The following IFT88 variants were observed in gnomAD, a reference collection of about 807,000 sequenced individuals.
IFT88 encodes the protein intraflagellar transport 88.
IFT88 carries 74 observed loss-of-function variants against 119.5 expected under a neutral mutation model. The observed-to-expected ratio is 0.62, with a 90% CI of 0.51 to 0.75. The LOEUF is 0.75. Among genes scored for constraint, IFT88 ranks in the 30% least tolerant of loss-of-function variants. The pLI is 0.00. For missense variants in IFT88, 961 were observed against 977.7 expected, an observed-to-expected ratio of 0.98 and a Z score of 0.23; for synonymous variants, 279 against 316.7, an observed-to-expected ratio of 0.88 and a Z score of 1.26.
chr13:20,635,090 G>A (rs576542570), intron 16 of IFT88, among the ~76,000 whole-genome samples: 1 of 151,690 alleles, frequency 6.6e-6, no homozygotes, highest in Non-Finnish European at 1.5e-5. Context: ...GAGAATGATG[G>A]TTTCCAGCTT....
intron 3 of IFT88, among the ~76,000 whole-genome samples, chr13:20,588,371 C>T (rs1015162566): frequency 6.6e-6 from 1 of 151,902 alleles, no homozygotes; most frequent in African/African-American, 2.4e-5. Context: ...GTGATATTTG[C>T]ATTATATGTA....
intron 16 of IFT88, among the ~76,000 whole-genome samples, chr13:20,634,470 T>C (rs1245550445): frequency 6.6e-6 from 1 of 152,174 alleles, no homozygotes; most frequent in East Asian, 1.9e-4. Context: ...TTTGGGAGGC[T>C]GAGGCAGGTG....
In IFT88 at chr13:20,613,218, A is replaced by G. The variant is rs867825614; in HGVS notation, c.1113-2575A>G. 7.2e-5 allele frequency among the ~76,000 whole-genome samples: 11 copies of G among 152,296 alleles called. 1 individual carries two copies. The Middle Eastern group carries it at 0.014, about 188-fold the overall frequency. On this transcript the variant is annotated intron_variant, in intron 13 of 25. Transcript: ENST00000351808. ...GAGAGGGGACTTATTTCTAGACTAT[A>G]TAAGTAATGTCCAACTCAATAATAA...
At chr13:20,610,642 A>G (rs2044326039) in intron 13 of IFT88, among the ~76,000 whole-genome samples, 1 of 151,794 alleles carries the variant, frequency 6.6e-6, no homozygotes, top group Non-Finnish European at 1.5e-5. Flanking sequence ...TTCCTTTATG[A>G]ATGTAGAAGT....
At chr13:20,567,748 T>G in intron 1 of IFT88, 1 of 1,334,284 alleles carries the variant, frequency 7.5e-7, no homozygotes, top group Non-Finnish European at 9.6e-7. Context: ...AAAGCGGTAC[T>G]TAGCCTCACA....
At chr13:20,574,100 G>A (rs1398075156) in intron 1 of IFT88, among the ~76,000 whole-genome samples, 1 of 152,214 alleles carries the variant, frequency 6.6e-6, no homozygotes, top group African/African-American at 2.4e-5. Context: ...GCCAAAGTGA[G>A]AGGATCACTT....
In IFT88 at chr13:20,660,858, A is replaced by C. The variant is rs182878825; in HGVS notation, c.2069-2640A>C. Among the ~76,000 whole-genome samples the C allele has an allele frequency of 8.5e-4, 130 of 152,320 alleles. 2 individuals carry two copies. Among genetic ancestry groups the C allele is most frequent in the Admixed American group, 8.2e-3 (125 of 15,302 alleles). ...CGATGTCCAAGAGGATGTATTAAAT[A>C]GGCACTTAGGGAGAAGTTGGGGGCC... On this transcript the variant is annotated intron_variant, in intron 22 of 25. Transcript: ENST00000351808.
At chr13:20,593,865 C>T (rs1202588703) in intron 7 of IFT88, among the ~76,000 whole-genome samples, 2 of 151,742 alleles carry the variant, frequency 1.3e-5, no homozygotes, top group African/African-American at 4.8e-5. Context: ...GCCTGGGCAA[C>T]ATAGCGAGAC....
intron 9 of IFT88, among the ~76,000 whole-genome samples, chr13:20,597,659 G>T (rs1287123440): frequency 6.6e-6 from 1 of 151,742 alleles, no homozygotes; most frequent in Non-Finnish European, 1.5e-5. Context: ...CAGGAGAATG[G>T]CGTGAACCCG....
At position 20,591,570 on chromosome 13, in the gene IFT88, AG is replaced by A. The variant is rs764796164; in HGVS notation, c.265-46del. The A allele has an allele frequency of 5.7e-6, 8 of 1,402,480 alleles. No homozygotes were observed. The South Asian group carries it at 9.3e-5, about 16-fold the overall frequency. 86.9% of individuals were successfully genotyped at this position (1,402,480 alleles called of 1,614,324 possible). On this transcript the variant is annotated intron_variant, in intron 5 of 25. Transcript: ENST00000351808. ...GTGTGTAATGTGCAGAACTGTACAT[AG>A]GAGATAGATCTTATTTAAGAATAAA...
intron 2 of IFT88, among the ~76,000 whole-genome samples, chr13:20,581,736 C>G (rs1451652567): frequency 2.0e-5 from 3 of 151,592 alleles, no homozygotes; most frequent in Non-Finnish European, 4.4e-5. Flanking sequence ...GCCTGTAGTC[C>G]CAGCTCCTAG....
intron 1 of IFT88, among the ~76,000 whole-genome samples, chr13:20,568,889 T>G (rs1327162813): frequency 6.6e-6 from 1 of 151,898 alleles, no homozygotes. Flanking sequence ...CCCAGCTAAT[T>G]TTTTGTATTT....
At chr13:20,657,140 G>C (rs1235422505) in intron 22 of IFT88, among the ~76,000 whole-genome samples, 1 of 152,236 alleles carries the variant, frequency 6.6e-6, no homozygotes, top group Non-Finnish European at 1.5e-5. Flanking sequence ...ACAGGCGTGA[G>C]CCACTGCTCC....
At chr13:20,689,678 G>T (rs1360818802) in intron 24 of IFT88, among the ~76,000 whole-genome samples, 1 of 151,980 alleles carries the variant, frequency 6.6e-6, no homozygotes, top group Admixed American at 6.6e-5. Context: ...TTAAAAGATT[G>T]CTATATAGTT....
At chr13:20,640,831 C>T (rs1310511744) in intron 17 of IFT88, among the ~76,000 whole-genome samples, 5 of 151,790 alleles carry the variant, frequency 3.3e-5, no homozygotes, top group Non-Finnish European at 5.9e-5. Context: ...AGAATCCCCA[C>T]CCTAACATTA....
chr13:20,674,328 G>T (rs2141039135), intron 24 of IFT88, among the ~76,000 whole-genome samples: 1 of 152,292 alleles, frequency 6.6e-6, no homozygotes, highest in South Asian at 2.1e-4. Context: ...TTTTGTTAAA[G>T]GTTGAGAAAT....
At chr13:20,638,917 T>C (rs184256394) in intron 17 of IFT88, among the ~76,000 whole-genome samples, 2 of 152,324 alleles carry the variant, frequency 1.3e-5, no homozygotes, top group East Asian at 3.9e-4. Context: ...ACACAAGAAA[T>C]AAGTACCCAT....
chr13:20,568,567 G>C (rs2137685916), intron 1 of IFT88, among the ~76,000 whole-genome samples: 1 of 152,272 alleles, frequency 6.6e-6, no homozygotes, highest in South Asian at 2.1e-4. Context: ...TTCATAATCA[G>C]AAATTATGGT....
At position 20,649,752 on chromosome 13, in the gene IFT88, A is replaced by C. The variant is rs193163377; in HGVS notation, c.1950-4124A>C. On this transcript the variant is annotated intron_variant, in intron 20 of 25. Transcript: ENST00000351808. Reference sequence around the variant, plus strand: ...CAACAAAATTGACAAATCTCTAGCTAGAAGGACTAACAAAAAAAAGAGGAC... The same window carrying C: ...CAACAAAATTGACAAATCTCTAGCTCGAAGGACTAACAAAAAAAAGAGGAC... 3.3e-5 allele frequency among the ~76,000 whole-genome samples: 5 copies of C among 152,272 alleles called. No homozygotes were observed. The East Asian group carries it at 9.6e-4, about 29-fold the overall frequency.
Sources: gnomAD v4.1 joint callset for allele counts (sites outside exome capture counted in the v4.1 genomes callset) on GRCh38, gnomAD v4.1.1 for gene constraint, MANE v1.5 for transcripts, NCBI Gene and HGNC (gene_info 2026-07-23, HGNC 2026-07-21) for gene names.